The following INPP4B variants were observed in gnomAD, a reference collection of about 807,000 sequenced individuals.
INPP4B encodes the protein inositol polyphosphate-4-phosphatase type II B.
In INPP4B, 55 loss-of-function variants were observed where a neutral mutation model predicts 122.5. That is an observed-to-expected ratio of 0.45 (90% confidence interval 0.36 to 0.56). The LOEUF is 0.56. Among genes scored for constraint, INPP4B ranks in the 20% least tolerant of loss-of-function variants. The pLI, the probability that INPP4B is intolerant of heterozygous loss-of-function variation, is 0.00. For synonymous variants in INPP4B, 403 were observed against 388.7 expected (o/e 1.04, Z -0.43); for missense variants, 1,000 against 1,097.7 (o/e 0.91, Z 1.26).
In INPP4B at chr4:142,497,686, T is replaced by C. The variant is rs560465918; in HGVS notation, c.-190-34960A>G. On this transcript the variant is annotated intron_variant, in intron 2 of 25. Transcript: ENST00000262992. The stretch of plus-strand genomic sequence containing the variant: ...GGTTTGATTTTAATTTCATTGACTT[T>C]TTCAAAATTATCCTAAAACAACAAT... Among the ~76,000 whole-genome samples the C allele has an allele frequency of 2.0e-5, 3 of 152,324 alleles. No individual in the cohort carries two copies. The South Asian group carries it at 6.2e-4, about 32-fold the overall frequency.
chr4:142,735,855 C>G (rs141091068), intron 1 of INPP4B, among the ~76,000 whole-genome samples: 1 of 150,894 alleles, frequency 6.6e-6, no homozygotes, highest in Non-Finnish European at 1.5e-5. Flanking sequence ...CATATTATAT[C>G]TTTAATTTAA....
At chr4:142,505,979 C>A (rs2149840264) in intron 2 of INPP4B, among the ~76,000 whole-genome samples, 1 of 152,274 alleles carries the variant, frequency 6.6e-6, no homozygotes, top group Admixed American at 6.5e-5. Context: ...ATGCCAGGCT[C>A]TGTGTTATGT....
At chr4:142,550,276 G>A (rs2150073227) in intron 2 of INPP4B, among the ~76,000 whole-genome samples, 1 of 152,248 alleles carries the variant, frequency 6.6e-6, no homozygotes, top group East Asian at 1.9e-4. Context: ...TGTAGTGCCA[G>A]AAGGAAGCTT....
chr4:142,311,210 G>A (rs1204577606), intron 8 of INPP4B, among the ~76,000 whole-genome samples: 1 of 152,144 alleles, frequency 6.6e-6, no homozygotes, highest in East Asian at 1.9e-4. Context: ...ATATTAACAA[G>A]TGGTACTTCA....
intron 2 of INPP4B, among the ~76,000 whole-genome samples, chr4:142,725,394 AT>A (rs1312081359): frequency 2.6e-5 from 4 of 151,974 alleles, no homozygotes; most frequent in East Asian, 1.9e-4. Context: ...TCATATTGAA[AT>A]TTTTTTTGTA....
At chr4:142,069,634 A>G (rs336369) in intron 25 of INPP4B, among the ~76,000 whole-genome samples, 119,661 of 152,046 alleles carry the variant, frequency 0.79, 50,398 homozygotes, top group Non-Finnish European at 0.92. Flanking sequence ...AGATGCAATA[A>G]AAAAATGATA....
chr4:142,253,507 C>CAT (rs1561632191), intron 11 of INPP4B, among the ~76,000 whole-genome samples: 4 of 151,918 alleles, frequency 2.6e-5, no homozygotes, highest in South Asian at 2.1e-4. Flanking sequence ...GCACCATGTG[C>CAT]GAGCCGAAGC....
intron 7 of INPP4B, among the ~76,000 whole-genome samples, chr4:142,341,868 AAAG>A (rs1210110647): frequency 6.6e-6 from 1 of 152,098 alleles, no homozygotes. Context: ...ATACAGCCAA[AAAG>A]AGCTGAATCT....
Position 142,793,367 on chromosome 4 carries a change from A to G in INPP4B, c.-254+52842T>C, listed in dbSNP as rs186661779. Among the ~76,000 whole-genome samples, 377 of 152,240 alleles carry G rather than the reference A, an allele frequency of 2.5e-3. 5 individuals carry two copies. Among genetic ancestry groups the G allele is most frequent in the East Asian group, 0.019 (96 of 5,174 alleles). ...GTATGGACCAATATTTACCCACAAT[A>G]GAAACTCAGTTAGTGTTAAGCTGAA... On this transcript the variant is annotated intron_variant, in intron 1 of 25. Coordinates refer to ENST00000262992, the MANE Select transcript of INPP4B (RefSeq NM_001101669.3).
chr4:142,408,224 C>T (rs1259254954), intron 5 of INPP4B, among the ~76,000 whole-genome samples: 1 of 151,022 alleles, frequency 6.6e-6, no homozygotes, highest in African/African-American at 2.4e-5. Context: ...AATTATTTAG[C>T]AGCCAATAAA....
intron 2 of INPP4B, among the ~76,000 whole-genome samples, chr4:142,596,240 A>G (rs907346535): frequency 2.0e-5 from 3 of 152,154 alleles, no homozygotes; most frequent in Admixed American, 1.3e-4. Context: ...GATAAAATCT[A>G]TATTCTTCCC....
intron 1 of INPP4B, among the ~76,000 whole-genome samples, chr4:142,782,174 TTCC>T (rs1340794608): frequency 6.6e-6 from 1 of 151,872 alleles, no homozygotes; most frequent in Non-Finnish European, 1.5e-5. Context: ...GATGTTCCCC[TTCC>T]TGTGTCCATG....
At chr4:142,553,972 C>T (rs113524649) in intron 2 of INPP4B, among the ~76,000 whole-genome samples, 8,605 of 152,068 alleles carry the variant, frequency 0.057, 295 homozygotes, top group African/African-American at 0.07. Flanking sequence ...GGGCAGATCA[C>T]GAGGTCAGGA....
At chr4:142,307,239 G>A (rs1763745459) in intron 8 of INPP4B, among the ~76,000 whole-genome samples, 1 of 152,082 alleles carries the variant, frequency 6.6e-6, no homozygotes, top group Middle Eastern at 3.2e-3. Context: ...AAGTATTTAT[G>A]TCACCTCACC....
intron 2 of INPP4B, among the ~76,000 whole-genome samples, chr4:142,572,924 T>C (rs1733124457): frequency 1.3e-5 from 2 of 151,616 alleles, no homozygotes; most frequent in African/African-American, 4.8e-5. Flanking sequence ...TACATAAATA[T>C]ATATCCTTCT....
intron 9 of INPP4B, among the ~76,000 whole-genome samples, chr4:142,291,679 C>T (rs537261418): frequency 6.6e-6 from 1 of 152,256 alleles, no homozygotes; most frequent in South Asian, 2.1e-4. Flanking sequence ...AAATCATTAG[C>T]CTTCATTTCT....
chr4:142,433,488 C>A (rs2149388035), intron 3 of INPP4B, among the ~76,000 whole-genome samples: 1 of 152,202 alleles, frequency 6.6e-6, no homozygotes, highest in South Asian at 2.1e-4. Context: ...AGTTATAGTT[C>A]AGTTATATTT....
chr4:142,364,590 A>T (rs1317055823), intron 7 of INPP4B, among the ~76,000 whole-genome samples: 1 of 152,144 alleles, frequency 6.6e-6, no homozygotes, highest in African/African-American at 2.4e-5. Flanking sequence ...AGGTGATTTC[A>T]GTATTGCAAC....
intron 2 of INPP4B, among the ~76,000 whole-genome samples, chr4:142,685,623 G>T (rs983020888): frequency 6.6e-6 from 1 of 152,092 alleles, no homozygotes; most frequent in Admixed American, 6.6e-5. Flanking sequence ...CGCCAGTCAC[G>T]TTGGCTTACA....
Sources: allele counts gnomAD v4.1 joint callset (sites outside exome capture counted in the v4.1 genomes callset), GRCh38; gene constraint gnomAD v4.1.1; transcripts MANE v1.5; gene names NCBI Gene and HGNC (gene_info 2026-07-23, HGNC 2026-07-21).